The following NR3C2 variants were observed in gnomAD, a reference collection of about 807,000 sequenced individuals.
The protein encoded by NR3C2 is nuclear receptor subfamily 3 group C member 2.
NR3C2 carries 15 observed loss-of-function variants against 86.4 expected under a neutral mutation model. That is an observed-to-expected ratio of 0.17 (90% CI 0.12 to 0.27). The LOEUF (loss-of-function observed/expected upper bound fraction) is 0.27. Ranked by LOEUF, NR3C2 falls within the 10% of genes least tolerant of loss-of-function variation. The pLI is 1.00. For synonymous variants in NR3C2, 458 were observed against 450.5 expected (o/e 1.02, Z -0.21); for missense variants, 960 against 1,195.6 (o/e 0.80, Z 2.91).
intron 2 of NR3C2, among the ~76,000 whole-genome samples, chr4:148,290,953 A>T (rs1354300512): frequency 6.6e-6 from 1 of 152,178 alleles, no homozygotes. Flanking sequence ...ATGAGCAAAC[A>T]AATTAATTAT....
At chr4:148,335,785 TAACG>T (rs1744456780) in intron 2 of NR3C2, among the ~76,000 whole-genome samples, 1 of 151,976 alleles carries the variant, frequency 6.6e-6, no homozygotes, top group African/African-American at 2.4e-5. Flanking sequence ...TTGTAACCTA[TAACG>T]CTACTTCTGA....
chr4:148,115,850 T>C (rs1017367720), intron 7 of NR3C2, among the ~76,000 whole-genome samples: 1 of 152,346 alleles, frequency 6.6e-6, no homozygotes, highest in African/African-American at 2.4e-5. Context: ...TTGACATTCA[T>C]ATTAAATGTT....
intron 2 of NR3C2, among the ~76,000 whole-genome samples, chr4:148,413,139 T>C (rs1013422807): frequency 2.0e-5 from 3 of 152,186 alleles, no homozygotes; most frequent in African/African-American, 7.2e-5. Context: ...TTTTACCTAG[T>C]GTTTATTGAA....
chr4:148,253,333 G>C (rs1023632926), intron 3 of NR3C2, among the ~76,000 whole-genome samples: 1 of 152,128 alleles, frequency 6.6e-6, no homozygotes, highest in East Asian at 1.9e-4. Flanking sequence ...ACCAAACCTA[G>C]GATTGAAAAC....
chr4:148,403,384 A>G (rs1402319933), intron 2 of NR3C2, among the ~76,000 whole-genome samples: 1 of 152,006 alleles, frequency 6.6e-6, no homozygotes, highest in Non-Finnish European at 1.5e-5. Context: ...TAAATCCCTC[A>G]TGGCTTCAAA....
chr4:148,436,927 C>T (rs1255687671), intron 1 of NR3C2, 65 bp from the exon 2 acceptor site: 2 of 1,304,268 alleles, frequency 1.5e-6, no homozygotes, highest in Non-Finnish European at 2.1e-6. Context: ...AAAAGACATT[C>T]TAAAATTGCA....
At chr4:148,220,034 C>T (rs1226760277) in intron 3 of NR3C2, among the ~76,000 whole-genome samples, 1 of 152,124 alleles carries the variant, frequency 6.6e-6, no homozygotes, top group Non-Finnish European at 1.5e-5. Context: ...GCAGCTCTCA[C>T]ACCTCAGCCT....
intron 2 of NR3C2, among the ~76,000 whole-genome samples, chr4:148,359,316 C>T (rs1268314213): frequency 6.6e-6 from 1 of 152,054 alleles, no homozygotes; most frequent in African/African-American, 2.4e-5. Flanking sequence ...CATTTTGTAA[C>T]CTAGATGTAA....
intron 8 of NR3C2, among the ~76,000 whole-genome samples, chr4:148,086,327 C>T (rs2149706094): frequency 6.6e-6 from 1 of 152,312 alleles, no homozygotes; most frequent in Admixed American, 6.5e-5. Context: ...GCTCAACATA[C>T]ACAAATCAAT....
At chr4:148,156,021 C>G (rs1051741768) in intron 4 of NR3C2, among the ~76,000 whole-genome samples, 39 of 152,076 alleles carry the variant, frequency 2.6e-4, no homozygotes, top group African/African-American at 9.4e-4. Flanking sequence ...AAAGGATTCC[C>G]TATTTAATAA....
At chr4:148,267,736 CTT>C (rs976622381) in intron 2 of NR3C2, among the ~76,000 whole-genome samples, 2 of 151,956 alleles carry the variant, frequency 1.3e-5, no homozygotes, top group African/African-American at 4.8e-5. Context: ...AATATATACT[CTT>C]TTATATACAG....
At chr4:148,085,144 G>T (rs1730754329) in intron 8 of NR3C2, among the ~76,000 whole-genome samples, 1 of 152,162 alleles carries the variant, frequency 6.6e-6, no homozygotes, top group Admixed American at 6.5e-5. Flanking sequence ...TCTGGACCAA[G>T]CAGACCTAAT....
chr4:148,104,342 G>GGTTTGGTTTTTTTTTTTT (rs1731686588), intron 8 of NR3C2, among the ~76,000 whole-genome samples: 3 of 63,794 alleles, frequency 4.7e-5, no homozygotes, highest in Non-Finnish European at 3.2e-5. Context: ...TTTTGGTTTG[G>GGTTTGGTTTTTTTTTTTT]TTTTTTTTTT....
chr4:148,107,217 C>T (rs1731840407), intron 8 of NR3C2, among the ~76,000 whole-genome samples: 1 of 152,012 alleles, frequency 6.6e-6, no homozygotes, highest in African/African-American at 2.4e-5. Context: ...TCTCAAAAGA[C>T]ATTTATGCAG....
At chr4:148,113,072 A>C (rs779363157) in intron 8 of NR3C2, among the ~76,000 whole-genome samples, 14 of 150,106 alleles carry the variant, frequency 9.3e-5, no homozygotes, top group Non-Finnish European at 1.5e-4. Flanking sequence ...AAATAAAACA[A>C]GAAGCATATT....
chr4:148,203,114 C>T (rs1411475610), intron 3 of NR3C2, among the ~76,000 whole-genome samples: 1 of 152,090 alleles, frequency 6.6e-6, no homozygotes, highest in East Asian at 1.9e-4. Flanking sequence ...ATATTTATCA[C>T]TCTCTGAATG....
chr4:148,292,120 G>A (rs1043218287), intron 2 of NR3C2, among the ~76,000 whole-genome samples: 4 of 151,278 alleles, frequency 2.6e-5, no homozygotes, highest in African/African-American at 9.7e-5. Flanking sequence ...TTTTTAATCT[G>A]GAGTTGCCTT....
At chr4:148,271,340 C>A (rs1282912500) in intron 2 of NR3C2, among the ~76,000 whole-genome samples, 1 of 152,016 alleles carries the variant, frequency 6.6e-6, no homozygotes, top group Non-Finnish European at 1.5e-5. Context: ...ATGACCAGAA[C>A]AATGAAGGAA....
intron 2 of NR3C2, among the ~76,000 whole-genome samples, chr4:148,289,439 G>C (rs1459744944): frequency 6.6e-6 from 1 of 152,078 alleles, no homozygotes; most frequent in African/African-American, 2.4e-5. Context: ...GGCATTCACA[G>C]GCCTTAATAT....
Sources: gnomAD v4.1 joint callset for allele counts (sites outside exome capture counted in the v4.1 genomes callset) on GRCh38, gnomAD v4.1.1 for gene constraint, MANE v1.5 for transcripts, NCBI Gene and HGNC (gene_info 2026-07-23, HGNC 2026-07-21) for gene names.